ANKFY1: variants seen among roughly 807,000 people sequenced by gnomAD.
ANKFY1 encodes the protein ankyrin repeat and FYVE domain-containing protein 1.
Under a neutral mutation model 128.3 loss-of-function variants are expected in ANKFY1, and 47 were observed. The ratio of observed to expected loss-of-function variants is 0.37; its 90% CI spans 0.29 to 0.47. The LOEUF is 0.47. ANKFY1 is among the 20% of genes least tolerant of loss of function. ANKFY1 has a pLI of 1.00. For missense variants in ANKFY1, 1,222 were observed against 1,510.6 expected, an observed-to-expected ratio of 0.81 and a Z score of 3.17; for synonymous variants, 553 against 601.6, an observed-to-expected ratio of 0.92 and a Z score of 1.18.
chr17:4,223,850 A>T (rs1281294637), intron 3 of ANKFY1: 17 of 1,083,972 alleles, frequency 1.6e-5, no homozygotes, highest in Non-Finnish European at 2.3e-5. Context: ...GCAATCCCAC[A>T]GCATCAGGAG....
Position 4,187,122 on chromosome 17 carries a change from C to T in ANKFY1, c.1471-2076G>A, listed in dbSNP as rs556962601. On this transcript the variant is annotated intron_variant, in intron 11 of 24. Transcript: ENST00000341657. Reference sequence around the variant, plus strand: ...TCACCTGAGCAGTGTACACTGTACCCAGTATCACCCTTTTATCCCCCACCG... The same window carrying T: ...TCACCTGAGCAGTGTACACTGTACCTAGTATCACCCTTTTATCCCCCACCG... The T allele has an allele frequency of 2.1e-5, 16 of 773,104 alleles. No individual in the cohort carries two copies. In the African/African-American group the frequency reaches 2.7e-4, roughly 13 times the overall value. 47.9% of individuals were successfully genotyped at this position (773,104 alleles called of 1,614,324 possible). A position where few individuals can be genotyped will look rare whatever the true frequency, so the allele number is the denominator to read the frequency against.
At chr17:4,212,140 C>T (rs886431720) in intron 4 of ANKFY1, among the ~76,000 whole-genome samples, 1 of 152,206 alleles carries the variant, frequency 6.6e-6, no homozygotes, top group East Asian at 1.9e-4. Flanking sequence ...CCCTCGCCTC[C>T]ACTGCTCCCT....
At chr17:4,263,513 C>A in intron 1 of ANKFY1, 7 of 1,379,934 alleles carry the variant, frequency 5.1e-6, no homozygotes, top group Non-Finnish European at 6.8e-6. Context: ...GACCCACGCT[C>A]TTCCGCAAGC....
At position 4,207,959 on chromosome 17, in the gene ANKFY1, G is replaced by A. The variant is rs780838565; in HGVS notation, c.706C>T (p.Leu236=). Residue 236 remains leucine, a synonymous_variant, in exon 6 of 25, where the codon CTG becomes TTG. Transcript: ENST00000341657. The part of the protein sequence containing the change: ...IKVEREDVVF[L]YLIEMDSQLP... ...TGGGAATCCATTTCAATCAGATACAGGAAGACCACGTCTTCTCTCTCCACT... is the reference window on the plus strand; with the variant it reads ...TGGGAATCCATTTCAATCAGATACAAGAAGACCACGTCTTCTCTCTCCACT... The A allele has an allele frequency of 3.1e-6, 5 of 1,606,576 alleles. No individual in the cohort carries two copies. The highest frequency in any genetic ancestry group is 4.2e-6 in the Non-Finnish European group (5 of 1,176,974).
chr17:4,197,263 T>C (rs2059842722), intron 8 of ANKFY1, 110 bp downstream of exon 8: 2 of 1,156,704 alleles, frequency 1.7e-6, no homozygotes, highest in East Asian at 2.4e-5. Flanking sequence ...AAAATAAGAC[T>C]GAATAATGCC....
intron 2 of ANKFY1, among the ~76,000 whole-genome samples, chr17:4,240,827 C>A (rs2143360244): frequency 6.6e-6 from 1 of 152,342 alleles, no homozygotes; most frequent in African/African-American, 2.4e-5. Flanking sequence ...GCTTTTCCCA[C>A]CTCTCACTGC....
At chr17:4,202,718 A>AAGAG in intron 7 of ANKFY1, among the ~76,000 whole-genome samples, 1 of 120,698 alleles carries the variant, frequency 8.3e-6, no homozygotes, top group Admixed American at 1.0e-4. Flanking sequence ...AAAAAAAAAA[A>AAGAG]AGAGAGATAA....
intron 7 of ANKFY1, among the ~76,000 whole-genome samples, chr17:4,200,878 A>C (rs925166062): frequency 1.3e-5 from 2 of 152,108 alleles, no homozygotes; most frequent in African/African-American, 4.8e-5. Flanking sequence ...TCCTTCGACT[A>C]CATATCTACA....
chr17:4,191,312 G>A (rs866897947), intron 10 of ANKFY1: 3 of 148,770 alleles, frequency 2.0e-5, no homozygotes, highest in Non-Finnish European at 4.5e-5. Context: ...ATCTGGAGAC[G>A]CCTAGTTGAT....
intron 19 of ANKFY1, among the ~76,000 whole-genome samples, chr17:4,176,843 C>T (rs887270238): frequency 8.5e-5 from 13 of 152,258 alleles, no homozygotes; most frequent in African/African-American, 3.1e-4. Context: ...TGACAGAGAA[C>T]ACAAGTGGAT....
chr17:4,180,299 G>A (rs1031592672), intron 16 of ANKFY1: 21 of 166,244 alleles, frequency 1.3e-4, no homozygotes, highest in Admixed American at 2.5e-4. Flanking sequence ...GTGGTGGTGC[G>A]CGCCCATCCC....
chr17:4,234,544 G>C (rs1598121842), intron 3 of ANKFY1, among the ~76,000 whole-genome samples: 1 of 148,176 alleles, frequency 6.7e-6, no homozygotes, highest in Non-Finnish European at 1.5e-5. Flanking sequence ...TTGTTCTGTT[G>C]CCCAGGCTGG....
chr17:4,225,265 G>A (rs568216758), intron 3 of ANKFY1, among the ~76,000 whole-genome samples: 1 of 152,224 alleles, frequency 6.6e-6, no homozygotes, highest in East Asian at 1.9e-4. Context: ...GCTGAGGTAG[G>A]AGAATCTCTT....
intron 4 of ANKFY1, 98 bp from the exon 5 acceptor site, chr17:4,210,045 A>G: frequency 8.6e-7 from 1 of 1,158,684 alleles, no homozygotes; most frequent in East Asian, 2.5e-5. Flanking sequence ...GCTATGTCCT[A>G]TTAATAACAC....
chr17:4,194,292 G>C (rs1364288247), intron 10 of ANKFY1, among the ~76,000 whole-genome samples: 1 of 150,186 alleles, frequency 6.7e-6, no homozygotes, highest in African/African-American at 2.4e-5. Context: ...TTTCAGTAGC[G>C]ACAGGTTTCA....
intron 1 of ANKFY1, chr17:4,248,951 A>C (rs932054762): frequency 6.0e-6 from 1 of 166,246 alleles, no homozygotes; most frequent in Admixed American, 6.5e-5. Flanking sequence ...TCAGACTTTC[A>C]ATAAGTATTC....
At position 4,180,861 on chromosome 17, in the gene ANKFY1, A is replaced by G. The variant is rs182245687; in HGVS notation, c.2240+393T>C. Reference sequence around the variant, plus strand: ...CTTCCTGAATAACCTCGGCTCCCACACTTCCCACACTCCAAGGGGGCCACA... The same window carrying G: ...CTTCCTGAATAACCTCGGCTCCCACGCTTCCCACACTCCAAGGGGGCCACA... On this transcript the variant is annotated intron_variant, in intron 16 of 24. Coordinates refer to ENST00000341657, the MANE Select transcript of ANKFY1 (RefSeq NM_001330063.2). Among the ~76,000 whole-genome samples the G allele has an allele frequency of 7.3e-4, 111 of 151,790 alleles. 1 individual carries two copies. The highest frequency in any genetic ancestry group is 2.6e-3 in the African/African-American group (107 of 41,388).
Position 4,203,587 on chromosome 17 carries a change from G to A in ANKFY1, c.898+2734C>T, listed in dbSNP as rs370930245. ...TCCCAGCACTCTGGGAGGCTGAGGC[G>A]GGCGGATCACCTAAGGTTGGGAGTT... On this transcript the variant is annotated intron_variant, in intron 7 of 24. Transcript: ENST00000341657. 2.1e-4 allele frequency among the ~76,000 whole-genome samples: 32 copies of A among 152,054 alleles called. 1 individual carries two copies. The East Asian group carries it at 3.9e-3, about 18-fold the overall frequency.
At chr17:4,176,562 T>G (rs1489217303) in intron 19 of ANKFY1, among the ~76,000 whole-genome samples, 3 of 152,182 alleles carry the variant, frequency 2.0e-5, no homozygotes, top group African/African-American at 7.2e-5. Context: ...CTACTAAAAC[T>G]TCAACCAAAC....
Sources: gnomAD v4.1 joint callset for allele counts (sites outside exome capture counted in the v4.1 genomes callset) on GRCh38, gnomAD v4.1.1 for gene constraint, MANE v1.5 for transcripts, NCBI Gene and HGNC (gene_info 2026-07-23, HGNC 2026-07-21) for gene names.